The following CADPS variants were observed in gnomAD, a reference collection of about 807,000 sequenced individuals.
The protein encoded by CADPS is calcium-dependent secretion activator 1.
A neutral mutation model predicts 167.3 loss-of-function variants in CADPS; 57 were observed. That is an observed-to-expected ratio of 0.34 (90% CI 0.28 to 0.42). The LOEUF (loss-of-function observed/expected upper bound fraction) is 0.42, where lower values mean the gene tolerates loss of function less well. CADPS is among the 20% of genes least tolerant of loss of function. The probability of loss-of-function intolerance (pLI) is 1.00; values close to 1 mark genes in which losing one functional copy is unlikely to be tolerated. For synonymous variants in CADPS, 676 were observed against 635.3 expected, an observed-to-expected ratio of 1.06 and a Z score of -0.96; for missense variants, 1,414 against 1,738.1, an observed-to-expected ratio of 0.81 and a Z score of 3.32.
intron 24 of CADPS, among the ~76,000 whole-genome samples, chr3:62,473,367 T>C (rs139855208): frequency 4.6e-5 from 7 of 152,324 alleles, no homozygotes; most frequent in African/African-American, 1.7e-4. Flanking sequence ...GGAGCAAATA[T>C]AATTTAGTAA....
chr3:62,708,770 G>A (rs2082800223), intron 3 of CADPS, among the ~76,000 whole-genome samples: 1 of 152,082 alleles, frequency 6.6e-6, no homozygotes, highest in Non-Finnish European at 1.5e-5. Context: ...TGGGATCAAT[G>A]AGGAAGCCAA....
At chr3:62,527,084 C>G (rs1416525274) in intron 13 of CADPS, among the ~76,000 whole-genome samples, 1 of 152,178 alleles carries the variant, frequency 6.6e-6, no homozygotes, top group African/African-American at 2.4e-5. Context: ...ACCTAGTACT[C>G]TGCATTTTAT....
chr3:62,514,757 A>G lies in CADPS; in HGVS notation c.2581+1302T>C, dbSNP rs1190996895. ...TTTCTTGATCCCATCCCATCTCTGG[A>G]CTTGCCTAGAATTGTTAGGTACCTG... is the stretch of plus-strand genomic sequence containing the variant. On this transcript the variant is annotated intron_variant, in intron 16 of 29. Transcript: ENST00000383710. The surrounding 1 kb of genome is among the most constrained non-coding windows in gnomAD (Gnocchi z 4.2). Among the ~76,000 whole-genome samples, 5 of 152,142 alleles carry G rather than the reference A, an allele frequency of 3.3e-5. No homozygotes were observed. The highest frequency in any genetic ancestry group is 7.4e-5 in the Non-Finnish European group (5 of 68,008).
intron 1 of CADPS, among the ~76,000 whole-genome samples, chr3:62,836,162 G>A (rs965493734): frequency 3.3e-5 from 5 of 152,172 alleles, no homozygotes; most frequent in South Asian, 2.1e-4. Flanking sequence ...GAGTGAATCC[G>A]ACATGCAGCT....
chr3:62,655,604 T>C (rs563665244), intron 4 of CADPS, among the ~76,000 whole-genome samples: 114 of 152,106 alleles, frequency 7.5e-4, no homozygotes, highest in Non-Finnish European at 1.2e-3. Context: ...TCTTTTCTGG[T>C]TTTGGATTTT....
At chr3:62,741,631 A>G (rs180939647) in intron 3 of CADPS, among the ~76,000 whole-genome samples, 5 of 152,310 alleles carry the variant, frequency 3.3e-5, no homozygotes, top group South Asian at 2.1e-4. Context: ...CCTCAAAATA[A>G]TAAGAGCTGT....
chr3:62,513,618 A>G, intron 16 of CADPS: 2 of 1,470,184 alleles, frequency 1.4e-6, no homozygotes, highest in Non-Finnish European at 1.9e-6. Flanking sequence ...CAGCATGGTG[A>G]GGAGGTGGTA....
intron 3 of CADPS, among the ~76,000 whole-genome samples, chr3:62,731,953 C>CCA (rs35334737): frequency 0.23 from 35,600 of 151,586 alleles, 4,440 homozygotes; most frequent in African/African-American, 0.33. Flanking sequence ...GCCATGTAAG[C>CCA]TGAAACATAA....
chr3:62,873,120 C>T (rs976011555), intron 1 of CADPS, among the ~76,000 whole-genome samples: 1 of 152,186 alleles, frequency 6.6e-6, no homozygotes, highest in Non-Finnish European at 1.5e-5. Context: ...TTGTGTGTAA[C>T]CCACCTCCTG....
At chr3:62,553,936 A>G (rs1332032633) in intron 10 of CADPS, among the ~76,000 whole-genome samples, 1 of 152,208 alleles carries the variant, frequency 6.6e-6, no homozygotes, top group Non-Finnish European at 1.5e-5. Flanking sequence ...CACAATTCAA[A>G]GACAAAAAGA....
intron 6 of CADPS, among the ~76,000 whole-genome samples, chr3:62,639,991 C>T (rs1212686498): frequency 6.6e-6 from 1 of 152,082 alleles, no homozygotes; most frequent in Admixed American, 6.6e-5. Flanking sequence ...TGTTGTTACC[C>T]TTATATATTC....
chr3:62,549,697 T>C (rs374678967), intron 11 of CADPS, among the ~76,000 whole-genome samples: 66 of 152,304 alleles, frequency 4.3e-4, no homozygotes, highest in African/African-American at 1.5e-3. Context: ...CTTCATTTAG[T>C]GCTTGTGGGA....
chr3:62,573,982 G>A (rs1000557270), intron 8 of CADPS, among the ~76,000 whole-genome samples: 1 of 152,172 alleles, frequency 6.6e-6, no homozygotes, highest in Non-Finnish European at 1.5e-5. Flanking sequence ...CGAGATCAGA[G>A]CGATCTTTTT....
intron 6 of CADPS, among the ~76,000 whole-genome samples, chr3:62,616,412 G>A (rs1234320745): frequency 6.6e-6 from 1 of 152,046 alleles, no homozygotes; most frequent in Non-Finnish European, 1.5e-5. Flanking sequence ...TTCCTGGGAA[G>A]TGAGAGAAAA....
intron 3 of CADPS, among the ~76,000 whole-genome samples, chr3:62,692,465 C>T (rs1179774626): frequency 1.3e-5 from 2 of 152,076 alleles, no homozygotes; most frequent in Non-Finnish European, 2.9e-5. Flanking sequence ...ACCACAACTA[C>T]CATTTGAAGA....
rs1483151662 is a variant in CADPS at position 62,438,689 on chromosome 3, C to T, written c.3670-478G>A. ...TAAGTAAAAAAAATTGTGTTTCAATCTATACCTCTTCCTACCCAAGTCTCA... is the reference window on the plus strand; with the variant it reads ...TAAGTAAAAAAAATTGTGTTTCAATTTATACCTCTTCCTACCCAAGTCTCA... On this transcript the variant is annotated intron_variant, in intron 27 of 29. Transcript: ENST00000383710. This position sits in a 1 kb window ranked among gnomAD's most constrained non-coding sequence, Gnocchi z 4.7. The T allele has an allele frequency of 6.1e-6, 1 of 163,374 alleles. No individual in the cohort carries two copies. The highest frequency in any genetic ancestry group is 1.3e-5 in the Non-Finnish European group (1 of 76,748). The allele number at this position is 163,374 out of a possible 1,614,324, so 10.1% of individuals were successfully genotyped here. A position where few individuals can be genotyped will look rare whatever the true frequency, so the allele number is the denominator to read the frequency against.
At chr3:62,435,898 C>T (rs1475537267) in intron 28 of CADPS, among the ~76,000 whole-genome samples, 20 of 151,966 alleles carry the variant, frequency 1.3e-4, no homozygotes, top group Non-Finnish European at 8.8e-5. Context: ...TTGAATGTCC[C>T]TAACTATAAC....
rs113430327 is a variant in CADPS, at chr3:62,863,311, C to G, written c.441+11278G>C. On this transcript the variant is annotated intron_variant, in intron 1 of 29. Coordinates refer to ENST00000383710, the MANE Select transcript of CADPS (RefSeq NM_003716.4). ...AAGACAAATTTCTTATCTGCTTTTCCTCTTGGTTTCCTCTTCTGTAGGATT... is the reference window on the plus strand; with the variant it reads ...AAGACAAATTTCTTATCTGCTTTTCGTCTTGGTTTCCTCTTCTGTAGGATT... 3.3e-3 allele frequency among the ~76,000 whole-genome samples: 499 copies of G among 152,236 alleles called. 5 individuals carry two copies. The highest frequency in any genetic ancestry group is 0.011 in the African/African-American group (468 of 41,536).
intron 3 of CADPS, among the ~76,000 whole-genome samples, chr3:62,713,823 A>C (rs1177682424): frequency 6.6e-6 from 1 of 152,070 alleles, no homozygotes; most frequent in Non-Finnish European, 1.5e-5. Flanking sequence ...CTCTCCAGGG[A>C]CTTGGAATCT....
Sources: gnomAD v4.1 joint callset for allele counts (sites outside exome capture counted in the v4.1 genomes callset) on GRCh38, gnomAD v4.1.1 for gene constraint, Gnocchi (gnomAD v3.1) non-coding constraint, MANE v1.5 for transcripts, NCBI Gene and HGNC (gene_info 2026-07-23, HGNC 2026-07-21) for gene names.